Variants in NECAB1 observed in about 807,000 individuals in gnomAD.
NECAB1 encodes the protein N-terminal EF-hand calcium-binding protein 1.
In NECAB1, 29 loss-of-function variants were observed where a neutral mutation model predicts 57.5. The observed-to-expected ratio is 0.50, with a 90% CI of 0.38 to 0.69. NECAB1 has a LOEUF of 0.69. Among genes scored for constraint, NECAB1 ranks in the 30% least tolerant of loss-of-function variants. The pLI is 0.00. For synonymous variants in NECAB1, 142 were observed against 147.7 expected (o/e 0.96, Z 0.28); for missense variants, 372 against 413.8 (o/e 0.90, Z 0.88).
At chr8:90,924,527 A>G (rs1482089691) in intron 6 of NECAB1, among the ~76,000 whole-genome samples, 2 of 152,220 alleles carry the variant, frequency 1.3e-5, no homozygotes, top group African/African-American at 2.4e-5. Flanking sequence ...AAGGGATTAT[A>G]TCTCCTATAA....
intron 5 of NECAB1, among the ~76,000 whole-genome samples, chr8:90,912,485 T>C (rs1586117104): frequency 6.6e-6 from 1 of 152,318 alleles, no homozygotes; most frequent in Non-Finnish European, 1.5e-5. Context: ...AATTTATTAA[T>C]TGTTTAATAA....
chr8:90,878,067 C>T (rs1365287845), intron 4 of NECAB1, among the ~76,000 whole-genome samples: 1 of 151,596 alleles, frequency 6.6e-6, no homozygotes. Flanking sequence ...GACAGGATCT[C>T]GTTCTGTCAC....
chr8:90,843,696 G>A (rs989102839), intron 3 of NECAB1, among the ~76,000 whole-genome samples: 3 of 152,242 alleles, frequency 2.0e-5, no homozygotes, highest in Admixed American at 2.0e-4. Flanking sequence ...AGCACTGGCT[G>A]TGGGCTAGAA....
At chr8:90,856,671 G>A (rs1472350905) in intron 3 of NECAB1, among the ~76,000 whole-genome samples, 1 of 152,194 alleles carries the variant, frequency 6.6e-6, no homozygotes, top group East Asian at 1.9e-4. Context: ...GTGTGTTATT[G>A]TGGAAATTCC....
intron 2 of NECAB1, among the ~76,000 whole-genome samples, chr8:90,815,522 A>G (rs1053829488): frequency 3.3e-5 from 5 of 151,990 alleles, no homozygotes; most frequent in African/African-American, 7.2e-5. Context: ...TACCTTCAAA[A>G]GTCCTCTGTT....
intron 1 of NECAB1, among the ~76,000 whole-genome samples, 170 bp from the exon 2 acceptor site, chr8:90,801,521 T>A (rs1811757411): frequency 6.6e-6 from 1 of 152,184 alleles, no homozygotes; most frequent in South Asian, 2.1e-4. Context: ...CCATGGACAT[T>A]TGGGTCATTT....
At chr8:90,856,521 A>G (rs924777981) in intron 3 of NECAB1, among the ~76,000 whole-genome samples, 2 of 152,206 alleles carry the variant, frequency 1.3e-5, no homozygotes, top group East Asian at 3.9e-4. Flanking sequence ...AGCTTACTAA[A>G]GTTGATACTT....
intron 3 of NECAB1, among the ~76,000 whole-genome samples, chr8:90,836,789 G>T (rs1394501): frequency 2.0e-5 from 3 of 152,042 alleles, no homozygotes; most frequent in Non-Finnish European, 4.4e-5. Context: ...TTAATCTGCA[G>T]TGATATCATG....
rs1412816538 is a variant in NECAB1 at position 90,957,654 on chromosome 8, A to G, written c.*2142A>G. 6.6e-6 allele frequency: 1 copy of G among 150,690 alleles called. No individual in the cohort carries two copies. The highest frequency in any genetic ancestry group is 1.5e-5 in the Non-Finnish European group (1 of 67,434). 9.3% of individuals were successfully genotyped at this position (150,690 alleles called of 1,614,324 possible). A position where few individuals can be genotyped will look rare whatever the true frequency, so the allele number is the denominator to read the frequency against. On this transcript the variant is annotated 3_prime_UTR_variant, in exon 13 of 13. Coordinates refer to ENST00000417640, the MANE Select transcript of NECAB1 (RefSeq NM_022351.5). ...ACATATATACTGGAACCTATAGTAG[A>G]AAAGGAAACTAGTAGGGCCAAAAAA...
chr8:90,860,152 G>A (rs1475282529), intron 3 of NECAB1, among the ~76,000 whole-genome samples: 1 of 151,974 alleles, frequency 6.6e-6, no homozygotes, highest in East Asian at 1.9e-4. Context: ...ATATCACTAG[G>A]CCAAGGCTGT....
intron 7 of NECAB1, among the ~76,000 whole-genome samples, 162 bp downstream of exon 7, chr8:90,925,818 T>C (rs750866545): frequency 6.6e-6 from 1 of 152,202 alleles, no homozygotes; most frequent in Non-Finnish European, 1.5e-5. Context: ...TATGAAGAAC[T>C]GGGGTGGTGA....
intron 5 of NECAB1, among the ~76,000 whole-genome samples, chr8:90,883,461 A>G (rs1395192377): frequency 2.0e-5 from 3 of 152,164 alleles, no homozygotes; most frequent in Non-Finnish European, 2.9e-5. Context: ...GTCCTGTCTC[A>G]GTAGGAAGAT....
intron 2 of NECAB1, among the ~76,000 whole-genome samples, chr8:90,803,255 T>C (rs1251395335): frequency 6.6e-6 from 1 of 152,184 alleles, no homozygotes; most frequent in Non-Finnish European, 1.5e-5. Context: ...TCTCATCTCA[T>C]CCTTTGGTCT....
intron 2 of NECAB1, among the ~76,000 whole-genome samples, chr8:90,808,610 A>AT (rs1811895192): frequency 9.3e-6 from 1 of 107,998 alleles, no homozygotes; most frequent in Non-Finnish European, 2.1e-5. Context: ...ACCTATTTCC[A>AT]TTTTTTCATC....
chr8:90,869,569 A>G (rs1438893233), intron 3 of NECAB1, among the ~76,000 whole-genome samples: 1 of 152,230 alleles, frequency 6.6e-6, no homozygotes, highest in Non-Finnish European at 1.5e-5. Flanking sequence ...TGGGAGCTTT[A>G]AGATTTAATA....
chr8:90,925,716 T>C, intron 7 of NECAB1, 60 bp downstream of exon 7: 1 of 1,593,976 alleles, frequency 6.3e-7, no homozygotes, highest in Non-Finnish European at 8.6e-7. Flanking sequence ...GTTTTCCAAT[T>C]GATTATTTTA....
At chr8:90,954,982 C>T (rs1810996998) in intron 12 of NECAB1, among the ~76,000 whole-genome samples, 1 of 135,518 alleles carries the variant, frequency 7.4e-6, no homozygotes, top group Non-Finnish European at 1.6e-5. Context: ...TATGTGTGTA[C>T]ATATATGTAT....
intron 5 of NECAB1, among the ~76,000 whole-genome samples, chr8:90,907,807 G>T (rs375156109): frequency 2.6e-5 from 4 of 152,116 alleles, no homozygotes; most frequent in Admixed American, 6.5e-5. Context: ...TATTCCCAAA[G>T]GTTATTTTTT....
chr8:90,928,261 A>G lies in NECAB1; in HGVS notation c.655A>G (p.Asn219Asp). 6.2e-7 allele frequency: 1 copy of G among 1,609,774 alleles called. No homozygotes were observed. The highest frequency in any genetic ancestry group is 8.5e-7 in the Non-Finnish European group (1 of 1,178,224). Residue 219 changes from asparagine (N) to aspartate (D), a missense_variant, in exon 8 of 13, where the codon AAT becomes GAT. Coordinates refer to ENST00000417640, the MANE Select transcript of NECAB1 (RefSeq NM_022351.5). ...EEDNQWMTQI[N>D]RLQKLIDRLE... is the part of the protein sequence containing the mutation. Reference sequence around the variant, plus strand: ...AGACAACCAGTGGATGACCCAGATAAATAGACTCCAGAAATTAATTGATAG... The same window carrying G: ...AGACAACCAGTGGATGACCCAGATAGATAGACTCCAGAAATTAATTGATAG...
Sources: gnomAD v4.1 joint callset for allele counts (sites outside exome capture counted in the v4.1 genomes callset) on GRCh38, gnomAD v4.1.1 for gene constraint, MANE v1.5 for transcripts, NCBI Gene and HGNC (gene_info 2026-07-23, HGNC 2026-07-21) for gene names.